Variants in PKHD1 observed in about 807,000 individuals in gnomAD.
PKHD1 encodes fibrocystin.
PKHD1 carries 291 observed loss-of-function variants against 412.0 expected under a neutral mutation model. The ratio of observed to expected loss-of-function variants is 0.71; its 90% CI spans 0.64 to 0.78. The LOEUF (loss-of-function observed/expected upper bound fraction) is 0.78. PKHD1 is among the 30% of genes least tolerant of loss of function. The probability of loss-of-function intolerance (pLI) is 0.00; values close to 1 mark genes in which losing one functional copy is unlikely to be tolerated. For synonymous variants in PKHD1, 1,777 were observed against 1,821.5 expected, an observed-to-expected ratio of 0.98 and a Z score of 0.62; for missense variants, 4,825 against 4,950.7, an observed-to-expected ratio of 0.97 and a Z score of 0.76.
chr6:51,860,728 CA>C (rs1271799532), intron 48 of PKHD1, among the ~76,000 whole-genome samples: 1 of 152,182 alleles, frequency 6.6e-6, no homozygotes, highest in Non-Finnish European at 1.5e-5. Flanking sequence ...ATCAAAAAGA[CA>C]AAAGGGCTAT....
At chr6:51,938,857 A>G (rs1787957689) in intron 36 of PKHD1, among the ~76,000 whole-genome samples, 1 of 151,014 alleles carries the variant, frequency 6.6e-6, no homozygotes, top group Non-Finnish European at 1.5e-5. Context: ...TCTCTTCTCC[A>G]ACCTCTCTCA....
intron 52 of PKHD1, among the ~76,000 whole-genome samples, chr6:51,799,907 T>C (rs1480496691): frequency 6.6e-6 from 1 of 152,200 alleles, no homozygotes; most frequent in Non-Finnish European, 1.5e-5. Flanking sequence ...TTTAAGTGTG[T>C]TCCAGTGCTT....
chr6:51,695,666 G>T (rs866896699), intron 60 of PKHD1, among the ~76,000 whole-genome samples: 1 of 152,078 alleles, frequency 6.6e-6, no homozygotes, highest in Non-Finnish European at 1.5e-5. Context: ...TTATTTTATA[G>T]GTTATGAAAA....
chr6:51,638,925 A>C lies in PKHD1; in HGVS notation c.11430T>G (p.Tyr3810Ter). The C allele has an allele frequency of 6.2e-7, 1 of 1,613,894 alleles. No individual in the cohort carries two copies. Among genetic ancestry groups the C allele is most frequent in the Non-Finnish European group, 8.5e-7 (1 of 1,179,784 alleles). ...AGACTGCCAAGTTGTAGAAGCTAAC[A>C]TAACCATCTTGAGTTTCTGCCTGGG... ...GCTQAETQDGYVSFYNLAVLI... is the reference protein window; with the variant it reads ...GCTQAETQDG The change falls in exon 64 of 67, where the codon TAT becomes TAG. Residue 3810 changes from tyrosine (Y) to a stop codon, truncating the protein, a stop_gained. Transcript: ENST00000371117. LOFTEE classifies it high-confidence loss of function.
chr6:51,775,009 ATATT>A (rs1790766096), intron 54 of PKHD1, among the ~76,000 whole-genome samples: 1 of 151,544 alleles, frequency 6.6e-6, no homozygotes, highest in African/African-American at 2.4e-5. Flanking sequence ...ATATGATAAC[ATATT>A]TATTATTCTT....
At chr6:51,919,106 T>C (rs1784287720) in intron 37 of PKHD1, among the ~76,000 whole-genome samples, 1 of 152,232 alleles carries the variant, frequency 6.6e-6, no homozygotes, top group African/African-American at 2.4e-5. Flanking sequence ...ATAGTTTCTT[T>C]TGCTATACAG....
intron 14 of PKHD1, among the ~76,000 whole-genome samples, chr6:52,060,509 G>A (rs1031978587): frequency 4.6e-5 from 7 of 152,132 alleles, no homozygotes; most frequent in South Asian, 2.1e-4. Context: ...ACAGATAAGC[G>A]TCAATTCAAA....
intron 12 of PKHD1, 99 bp from the exon 13 acceptor site, chr6:52,065,149 AT>A (rs1193947434): frequency 2.5e-5 from 2 of 80,868 alleles, no homozygotes; most frequent in African/African-American, 1.0e-4. Flanking sequence ...ATATATATAT[AT>A]ATATATATAT....
At chr6:51,733,991 C>T (rs1302044653) in intron 60 of PKHD1, among the ~76,000 whole-genome samples, 1 of 152,214 alleles carries the variant, frequency 6.6e-6, no homozygotes, top group Non-Finnish European at 1.5e-5. Context: ...AAAGGCACTA[C>T]AATCTTGTCA....
rs1430333273 is a variant in PKHD1, at chr6:51,896,743, G to T, written c.6996+6854C>A. 3.3e-5 allele frequency among the ~76,000 whole-genome samples: 5 copies of T among 151,954 alleles called. No individual in the cohort carries two copies. The East Asian group carries it at 9.7e-4, about 29-fold the overall frequency. On this transcript the variant is annotated intron_variant, in intron 43 of 66. Coordinates refer to ENST00000371117, the MANE Select transcript of PKHD1 (RefSeq NM_138694.4). ...GCTACGGGAGGACATTCAAACCAAA[G>T]GCAAAGAAGTTGAAAACTTTGAAAA...
intron 6 of PKHD1, among the ~76,000 whole-genome samples, chr6:52,074,409 G>C (rs1184822016): frequency 6.6e-6 from 1 of 152,124 alleles, no homozygotes; most frequent in African/African-American, 2.4e-5. Flanking sequence ...GACAGGCAAA[G>C]GTCACAGAGT....
At chr6:51,719,121 T>G (rs750139777) in intron 60 of PKHD1, among the ~76,000 whole-genome samples, 23 of 143,540 alleles carry the variant, frequency 1.6e-4, no homozygotes, top group Non-Finnish European at 2.4e-4. Context: ...TAAATATATT[T>G]AGTTTGAATA....
chr6:51,881,798 T>A (rs1777417338), intron 46 of PKHD1, among the ~76,000 whole-genome samples: 1 of 152,156 alleles, frequency 6.6e-6, no homozygotes, highest in South Asian at 2.1e-4. Flanking sequence ...GGTTTTATGA[T>A]TTGGATAACT....
At chr6:51,780,981 A>T (rs1791898561) in intron 53 of PKHD1, among the ~76,000 whole-genome samples, 1 of 152,186 alleles carries the variant, frequency 6.6e-6, no homozygotes, top group Non-Finnish European at 1.5e-5. Context: ...TAAAGAAATT[A>T]CCCCCAAAAT....
rs1026705400 is a variant in PKHD1 at position 51,617,686 on chromosome 6, C to T, written c.*1395G>A. ...CAGATGCCTAAAGAAGAGGTTAAAA[C>T]ATTTCTGCCAATTCTTAGTAGGGTG... On this transcript the variant is annotated 3_prime_UTR_variant, in exon 67 of 67. Coordinates refer to ENST00000371117, the MANE Select transcript of PKHD1 (RefSeq NM_138694.4). 9 of 152,160 alleles carry T rather than the reference C, an allele frequency of 5.9e-5. No homozygotes were observed. Among genetic ancestry groups the T allele is most frequent in the Non-Finnish European group, 1.2e-4 (8 of 68,050 alleles). The allele number at this position is 152,160 out of a possible 1,614,324, so 9.4% of individuals were successfully genotyped here.
At chr6:52,011,131 A>T (rs1304502639) in intron 34 of PKHD1, among the ~76,000 whole-genome samples, 1 of 152,236 alleles carries the variant, frequency 6.6e-6, no homozygotes, top group Non-Finnish European at 1.5e-5. Flanking sequence ...CTCGCTTTAA[A>T]AGTCCTCTTG....
chr6:52,050,343 C>T (rs1423587749), intron 21 of PKHD1, 48 bp from the exon 22 acceptor site: 1 of 1,599,720 alleles, frequency 6.3e-7, no homozygotes, highest in Non-Finnish European at 8.6e-7. Context: ...AGATGGTAGA[C>T]TTGCTGTGTG....
intron 37 of PKHD1, among the ~76,000 whole-genome samples, chr6:51,920,988 T>G (rs181457062): frequency 1.5e-3 from 228 of 152,328 alleles, no homozygotes; most frequent in African/African-American, 5.3e-3. Flanking sequence ...TCATTTTTTA[T>G]TGTGTCTATT....
In PKHD1 at chr6:52,060,028, C is replaced by T. The variant is rs1311172284; in HGVS notation, c.1133G>A (p.Gly378Glu). Residue 378 changes from glycine to glutamate, a missense_variant, in exon 15 of 67, where the codon GGG becomes GAG. Physicochemically the swap from Gly to Glu is moderately conservative, Grantham distance 98. Transcript: ENST00000371117. ...ATTTGTCTCTGGAGCCACAAAGAAC[C>T]CACTGAGCCGTGCTCTGTAAAGTAG... The part of the protein sequence containing the change: ...EGQPFRARLS[G>E]FFVAPETNNY... The T allele has an allele frequency of 6.2e-7, 1 of 1,602,604 alleles. No homozygotes were observed. Among genetic ancestry groups the T allele is most frequent in the Non-Finnish European group, 8.5e-7 (1 of 1,169,612 alleles).
Sources: allele counts gnomAD v4.1 joint callset (sites outside exome capture counted in the v4.1 genomes callset), GRCh38; gene constraint gnomAD v4.1.1; transcripts MANE v1.5; gene names NCBI Gene and HGNC (gene_info 2026-07-23, HGNC 2026-07-21).